The following RASGRF2 variants were observed in gnomAD, a reference collection of about 807,000 sequenced individuals.
RASGRF2 encodes the protein Ras protein specific guanine nucleotide releasing factor 2.
A neutral mutation model predicts 151.0 loss-of-function variants in RASGRF2; 76 were observed. That is an observed-to-expected ratio of 0.50 (90% CI 0.42 to 0.61). RASGRF2 has a LOEUF of 0.61. RASGRF2 is among the 20% of genes least tolerant of loss of function. RASGRF2 has a pLI of 0.00. For synonymous variants in RASGRF2, 504 were observed against 566.5 expected (o/e 0.89, Z 1.57); for missense variants, 1,148 against 1,564.6 (o/e 0.73, Z 4.49).
intron 19 of RASGRF2, among the ~76,000 whole-genome samples, chr5:81,205,576 T>C (rs535768367): frequency 6.6e-6 from 1 of 152,324 alleles, no homozygotes; most frequent in South Asian, 2.1e-4. Context: ...TGGCTGTTGT[T>C]TTAATCAACT....
chr5:81,115,134 G>A (rs963347953), intron 15 of RASGRF2, among the ~76,000 whole-genome samples: 1 of 152,166 alleles, frequency 6.6e-6, no homozygotes, highest in Non-Finnish European at 1.5e-5. Context: ...GGATTGCCCA[G>A]ATGGATGCAT....
chr5:81,207,401 A>G, intron 21 of RASGRF2, 52 bp downstream of exon 21: 1 of 1,469,590 alleles, frequency 6.8e-7, no homozygotes, highest in Non-Finnish European at 9.5e-7. Context: ...GCTGTCTTAG[A>G]AGTTGACATT....
rs559490818 is a variant in RASGRF2 at position 81,226,451 on chromosome 5, C to T, written c.*681C>T. 1.3e-5 allele frequency: 2 copies of T among 152,282 alleles called. No individual in the cohort carries two copies. Among genetic ancestry groups the T allele is most frequent in the South Asian group, 4.1e-4 (2 of 4,820 alleles). The allele number at this position is 152,282 out of a possible 1,614,324, so 9.4% of individuals were successfully genotyped here. On this transcript the variant is annotated 3_prime_UTR_variant, in exon 27 of 27. Transcript: ENST00000265080. Reference sequence around the variant, plus strand: ...TTAATTAAATGCAGTAGGCTGTGCCCCAGAGGATTCCAGACAGTGGCTGGC... The same window carrying T: ...TTAATTAAATGCAGTAGGCTGTGCCTCAGAGGATTCCAGACAGTGGCTGGC...
intron 1 of RASGRF2, among the ~76,000 whole-genome samples, chr5:81,003,926 G>GAGT (rs1749179886): frequency 6.6e-6 from 1 of 152,194 alleles, no homozygotes; most frequent in South Asian, 2.1e-4. Flanking sequence ...TCTTTGGCGA[G>GAGT]AGTCCTGGAG....
At position 81,008,957 on chromosome 5, in the gene RASGRF2, G is replaced by C. The variant is rs369066317; in HGVS notation, c.289-33920G>C. 1.2e-4 allele frequency among the ~76,000 whole-genome samples: 19 copies of C among 152,300 alleles called. No homozygotes were observed. The East Asian group carries it at 2.7e-3, about 22-fold the overall frequency. Reference sequence around the variant, plus strand: ...ATTGTCTCAGCAAGTAGAACTTCAAGTCAGAGTCCTGGGTTTTGGACTCAT... The same window carrying C: ...ATTGTCTCAGCAAGTAGAACTTCAACTCAGAGTCCTGGGTTTTGGACTCAT... On this transcript the variant is annotated intron_variant, in intron 1 of 26. Transcript: ENST00000265080.
chr5:81,190,953 G>T (rs1209814299), intron 18 of RASGRF2, among the ~76,000 whole-genome samples: 1 of 152,214 alleles, frequency 6.6e-6, no homozygotes, highest in Non-Finnish European at 1.5e-5. Context: ...TATCTCTGTT[G>T]TAAGAGTTTT....
At chr5:80,990,218 G>GTTTTTTTTTTT (rs10558206) in intron 1 of RASGRF2, among the ~76,000 whole-genome samples, 2 of 137,926 alleles carry the variant, frequency 1.5e-5, no homozygotes. Flanking sequence ...ACTGCCAGAT[G>GTTTTTTTTTTT]TTTTTTTTTT....
At chr5:81,188,285 G>A (rs2112689427) in intron 18 of RASGRF2, among the ~76,000 whole-genome samples, 1 of 152,306 alleles carries the variant, frequency 6.6e-6, no homozygotes, top group Middle Eastern at 3.4e-3. Flanking sequence ...ATCTTTATAG[G>A]AGAAAGATGC....
intron 1 of RASGRF2, among the ~76,000 whole-genome samples, chr5:81,020,983 G>C (rs1749806923): frequency 1.3e-5 from 2 of 152,156 alleles, no homozygotes; most frequent in South Asian, 4.1e-4. Flanking sequence ...GAGGCATCAG[G>C]ATTCACATAC....
At chr5:81,090,516 C>T (rs1752359629) in intron 9 of RASGRF2, among the ~76,000 whole-genome samples, 1 of 152,088 alleles carries the variant, frequency 6.6e-6, no homozygotes, top group Non-Finnish European at 1.5e-5. Context: ...TGAAAAAATC[C>T]TCTTAAAATG....
chr5:81,153,350 T>C (rs1023144681), intron 17 of RASGRF2, among the ~76,000 whole-genome samples: 2 of 152,220 alleles, frequency 1.3e-5, no homozygotes, highest in African/African-American at 4.8e-5. Context: ...CAAGGATCTC[T>C]AAAAGTGGAA....
intron 1 of RASGRF2, among the ~76,000 whole-genome samples, chr5:81,006,148 G>A (rs900489989): frequency 6.6e-6 from 1 of 152,166 alleles, no homozygotes; most frequent in Admixed American, 6.5e-5. Flanking sequence ...AAATTGTATG[G>A]CTATAGAACC....
chr5:80,961,249 A>T (rs1377315641), intron 1 of RASGRF2, among the ~76,000 whole-genome samples: 2 of 152,192 alleles, frequency 1.3e-5, no homozygotes, highest in Non-Finnish European at 2.9e-5. Flanking sequence ...GTGATCAGTC[A>T]GAATAGTGGC....
intron 17 of RASGRF2, among the ~76,000 whole-genome samples, chr5:81,162,734 C>A (rs992268350): frequency 6.6e-6 from 1 of 152,212 alleles, no homozygotes; most frequent in African/African-American, 2.4e-5. Flanking sequence ...AAAAGCAGCT[C>A]CTGGTTTCTA....
chr5:81,130,242 G>A (rs1753581228), intron 17 of RASGRF2, among the ~76,000 whole-genome samples: 1 of 152,224 alleles, frequency 6.6e-6, no homozygotes, highest in Non-Finnish European at 1.5e-5. Flanking sequence ...TGAACCCTGT[G>A]TGAGCAGACT....
At chr5:81,201,837 G>A (rs1755402442) in intron 19 of RASGRF2, among the ~76,000 whole-genome samples, 1 of 152,200 alleles carries the variant, frequency 6.6e-6, no homozygotes, top group Non-Finnish European at 1.5e-5. Flanking sequence ...GTGTCTGTGG[G>A]AGTCTCGTGC....
At chr5:81,012,443 C>T (rs758460158) in intron 1 of RASGRF2, among the ~76,000 whole-genome samples, 13 of 152,138 alleles carry the variant, frequency 8.5e-5, no homozygotes, top group East Asian at 1.9e-4. Context: ...TTGCTAGACA[C>T]GGAGACATTT....
At chr5:80,976,985 C>T (rs1457323364) in intron 1 of RASGRF2, among the ~76,000 whole-genome samples, 2 of 152,162 alleles carry the variant, frequency 1.3e-5, no homozygotes, top group Non-Finnish European at 2.9e-5. Flanking sequence ...TGTACATGGT[C>T]TTTCTGTTTT....
At chr5:81,205,985 A>G (rs1250537140) in intron 19 of RASGRF2, among the ~76,000 whole-genome samples, 4 of 152,106 alleles carry the variant, frequency 2.6e-5, no homozygotes, top group Admixed American at 2.0e-4. Flanking sequence ...TCCTGACCTC[A>G]TGATCTGCCC....
Sources: gnomAD v4.1 joint callset for allele counts (sites outside exome capture counted in the v4.1 genomes callset) on GRCh38, gnomAD v4.1.1 for gene constraint, MANE v1.5 for transcripts, NCBI Gene and HGNC (gene_info 2026-07-23, HGNC 2026-07-21) for gene names.